Variants in ADCY2 observed in about 807,000 individuals in gnomAD.
The protein encoded by ADCY2 is adenylate cyclase type 2.
ADCY2 carries 31 observed loss-of-function variants against 125.2 expected under a neutral mutation model. The ratio of observed to expected loss-of-function variants is 0.25; its 90% confidence interval spans 0.19 to 0.33. The LOEUF is 0.33. ADCY2 is among the 10% of genes least tolerant of loss of function. The pLI, the probability that ADCY2 is intolerant of heterozygous loss-of-function variation, is 1.00. For synonymous variants in ADCY2, 512 were observed against 548.4 expected, an observed-to-expected ratio of 0.93 and a Z score of 0.93; for missense variants, 904 against 1,418.2, an observed-to-expected ratio of 0.64 and a Z score of 5.82.
At chr5:7,721,259 G>C (rs1741748593) in intron 12 of ADCY2, among the ~76,000 whole-genome samples, 1 of 152,096 alleles carries the variant, frequency 6.6e-6, no homozygotes, top group Admixed American at 6.5e-5. Context: ...ATTTTTTCTT[G>C]TAAATTTGTT....
chr5:7,706,959 G>C lies in ADCY2; in HGVS notation c.1268+57G>C, dbSNP rs1361626212. 3 of 1,599,742 alleles carry C rather than the reference G, an allele frequency of 1.9e-6. No individual in the cohort carries two copies. The African/African-American group carries it at 4.0e-5, about 21-fold the overall frequency. ...GCAGGCAGAACTATTAGGAATGACA[G>C]ATTATCAGCCTAATGACGGAGTGCT... On this transcript the variant is annotated intron_variant, in intron 8 of 24. Coordinates refer to ENST00000338316, the MANE Select transcript of ADCY2 (RefSeq NM_020546.3).
intron 22 of ADCY2, among the ~76,000 whole-genome samples, chr5:7,808,094 C>T (rs1744809700): frequency 6.6e-6 from 1 of 152,188 alleles, no homozygotes; most frequent in Non-Finnish European, 1.5e-5. Flanking sequence ...GAATCTCACT[C>T]ATCAGAATGC....
At chr5:7,728,979 C>CTTGATT (rs1357473281) in intron 14 of ADCY2, among the ~76,000 whole-genome samples, 21 of 152,268 alleles carry the variant, frequency 1.4e-4, no homozygotes, top group African/African-American at 5.1e-4. Flanking sequence ...TCTTGTCTCT[C>CTTGATT]TTCTGTGGTG....
intron 2 of ADCY2, among the ~76,000 whole-genome samples, chr5:7,509,975 C>T (rs1052540268): frequency 3.3e-5 from 5 of 152,066 alleles, no homozygotes; most frequent in Non-Finnish European, 5.9e-5. Flanking sequence ...GTGATGCAAA[C>T]GGACAGTTTG....
At chr5:7,735,807 G>T (rs1412842463) in intron 14 of ADCY2, among the ~76,000 whole-genome samples, 1 of 152,102 alleles carries the variant, frequency 6.6e-6, no homozygotes, top group Non-Finnish European at 1.5e-5. Context: ...CTTTGGTATT[G>T]GTGTCAGGGT....
intron 3 of ADCY2, among the ~76,000 whole-genome samples, chr5:7,547,068 C>T (rs1561086578): frequency 6.6e-6 from 1 of 152,178 alleles, no homozygotes; most frequent in South Asian, 2.1e-4. Context: ...TGCACACTCT[C>T]AAATGGTGAA....
Position 7,709,476 on chromosome 5 carries a change from T to A in ADCY2, c.1578+89T>A. On this transcript the variant is annotated intron_variant, in intron 10 of 24. Coordinates refer to ENST00000338316, the MANE Select transcript of ADCY2 (RefSeq NM_020546.3). The surrounding 1 kb of genome is among the most constrained non-coding windows in gnomAD (Gnocchi z 4.4). ...GCTGGGCATCTCCTGCCAAAATAAC[T>A]CCTTTCTGTAAGAAACAAACTTATC... 1 of 1,397,850 alleles carries A rather than the reference T, an allele frequency of 7.2e-7. No individual in the cohort carries two copies. The highest frequency in any genetic ancestry group is 9.5e-7 in the Non-Finnish European group (1 of 1,056,872). The allele number at this position is 1,397,850 out of a possible 1,614,324, so 86.6% of individuals were successfully genotyped here.
intron 2 of ADCY2, among the ~76,000 whole-genome samples, chr5:7,429,731 G>A (rs928771465): frequency 6.6e-6 from 1 of 152,212 alleles, no homozygotes; most frequent in African/African-American, 2.4e-5. Flanking sequence ...AAAACATGCT[G>A]TATCACGATC....
intron 2 of ADCY2, among the ~76,000 whole-genome samples, chr5:7,436,197 A>G (rs1740793964): frequency 6.6e-6 from 1 of 152,140 alleles, no homozygotes; most frequent in South Asian, 2.1e-4. Context: ...TATTGTGACC[A>G]GGGGTGCATA....
At chr5:7,754,838 T>C (rs1384639280) in intron 15 of ADCY2, among the ~76,000 whole-genome samples, 1 of 150,638 alleles carries the variant, frequency 6.6e-6, no homozygotes, top group East Asian at 1.9e-4. Context: ...GCCTGAGTGG[T>C]GAGAGAGCAA....
intron 2 of ADCY2, among the ~76,000 whole-genome samples, chr5:7,498,216 A>C (rs1490942687): frequency 6.7e-6 from 1 of 150,302 alleles, no homozygotes; most frequent in Non-Finnish European, 1.5e-5. Context: ...ATATAGAGTA[A>C]GTAAAACTCT....
rs144479635 is a variant in ADCY2 at position 7,803,608 on chromosome 5, T to G, written c.2776-977T>G. Among the ~76,000 whole-genome samples the G allele has an allele frequency of 3.1e-3, 466 of 152,260 alleles. 5 individuals are homozygous for G. Among genetic ancestry groups the G allele is most frequent in the African/African-American group, 0.011 (440 of 41,560 alleles). On this transcript the variant is annotated intron_variant, in intron 21 of 24. Coordinates refer to ENST00000338316, the MANE Select transcript of ADCY2 (RefSeq NM_020546.3). The stretch of plus-strand genomic sequence containing the variant: ...TAACTAATTCCAAGACAAGAAATAG[T>G]AGGGCTCGGGCCAGCTGTGGTGGCT...
chr5:7,756,804 G>A (rs4235588), intron 15 of ADCY2, among the ~76,000 whole-genome samples: 70,022 of 152,002 alleles, frequency 0.46, 16,375 homozygotes, highest in Admixed American at 0.59. Context: ...CTTGAAAATG[G>A]TTTAAAGGGC....
chr5:7,651,581 C>T (rs140234839), intron 4 of ADCY2, among the ~76,000 whole-genome samples: 132 of 152,188 alleles, frequency 8.7e-4, no homozygotes, highest in African/African-American at 2.9e-3. Context: ...TTATTCTGGC[C>T]GCGCTGGCAG....
chr5:7,623,777 GTGT>G (rs1738032328), intron 3 of ADCY2, among the ~76,000 whole-genome samples: 1 of 152,158 alleles, frequency 6.6e-6, no homozygotes, highest in Admixed American at 6.5e-5. Context: ...CAGAGCACGT[GTGT>G]TACCTGCATA....
intron 2 of ADCY2, among the ~76,000 whole-genome samples, chr5:7,428,105 G>A (rs889357252): frequency 5.3e-5 from 8 of 152,178 alleles, no homozygotes; most frequent in African/African-American, 1.7e-4. Context: ...GGCAGGGGTC[G>A]GGGAGCTGAA....
intron 3 of ADCY2, among the ~76,000 whole-genome samples, chr5:7,539,024 C>T (rs939913484): frequency 4.0e-5 from 6 of 151,890 alleles, no homozygotes; most frequent in Non-Finnish European, 8.8e-5. Flanking sequence ...TCACCACACC[C>T]AGCTAATTTT....
chr5:7,433,564 A>G (rs1226251219), intron 2 of ADCY2, among the ~76,000 whole-genome samples: 8 of 152,228 alleles, frequency 5.3e-5, no homozygotes, highest in African/African-American at 1.7e-4. Context: ...TAAGAAGCAT[A>G]AAAACCATAA....
intron 2 of ADCY2, among the ~76,000 whole-genome samples, chr5:7,501,533 A>G (rs1405204714): frequency 2.0e-5 from 3 of 151,970 alleles, no homozygotes; most frequent in Non-Finnish European, 4.4e-5. Flanking sequence ...TATAGAATAA[A>G]AAATCAGAAA....
Sources: allele counts gnomAD v4.1 joint callset (sites outside exome capture counted in the v4.1 genomes callset), GRCh38; gene constraint gnomAD v4.1.1; non-coding constraint Gnocchi (gnomAD v3.1); transcripts MANE v1.5; gene names NCBI Gene and HGNC (gene_info 2026-07-23, HGNC 2026-07-21).